The following MAGI3 variants were observed in gnomAD, a reference collection of about 807,000 sequenced individuals.
MAGI3 encodes membrane associated guanylate kinase, WW and PDZ domain containing 3, also known as membrane-associated guanylate kinase, WW and PDZ domain-containing protein 3.
In MAGI3, 43 loss-of-function variants were observed where a neutral mutation model predicts 121.8. The ratio of observed to expected loss-of-function variants is 0.35; its 90% CI spans 0.28 to 0.46. The LOEUF is 0.46. MAGI3 is among the 20% of genes least tolerant of loss of function. The pLI is 1.00. For missense variants in MAGI3, 1,547 were observed against 1,797.3 expected (o/e 0.86, Z 2.52); for synonymous variants, 553 against 639.3 (o/e 0.86, Z 2.04).
At chr1:113,547,846 G>T (rs909436934) in intron 1 of MAGI3, among the ~76,000 whole-genome samples, 10 of 152,164 alleles carry the variant, frequency 6.6e-5, no homozygotes, top group Admixed American at 5.9e-4. Flanking sequence ...AGATTCTTCT[G>T]TGTTCATCCT....
At position 113,619,794 on chromosome 1, in the gene MAGI3, C is replaced by T; in HGVS notation, c.1135C>T (p.Gln379Ter). 1 of 1,613,080 alleles carries T rather than the reference C, an allele frequency of 6.2e-7. No individual in the cohort carries two copies. The highest frequency in any genetic ancestry group is 8.5e-7 in the Non-Finnish European group (1 of 1,179,370). ...NPVEEAKRKK[Q>*]LGQVEIGSSK... Reference sequence around the variant, plus strand: ...AGTGGAGGAAGCCAAAAGGAAAAAGCAGTTAGGACAGGTTGAAATTGGGTC... The same window carrying T: ...AGTGGAGGAAGCCAAAAGGAAAAAGTAGTTAGGACAGGTTGAAATTGGGTC... Residue 379 changes from glutamine (Q) to a stop codon, truncating the protein, a stop_gained, in exon 8 of 21, where the codon CAG (glutamine) becomes TAG (stop). Coordinates refer to ENST00000307546, the MANE Select transcript of MAGI3 (RefSeq NM_001142782.2). LOFTEE classifies it high-confidence loss of function.
intron 20 of MAGI3, chr1:113,682,524 AAACTGT>A (rs1264740862): frequency 1.0e-5 from 13 of 1,275,954 alleles, no homozygotes; most frequent in Non-Finnish European, 1.3e-5. Flanking sequence ...GCCATATCCT[AAACTGT>A]ATCAATTCAT....
chr1:113,623,347 T>C (rs1419290817), intron 9 of MAGI3, among the ~76,000 whole-genome samples: 2 of 151,816 alleles, frequency 1.3e-5, no homozygotes, highest in Non-Finnish European at 2.9e-5. Context: ...TATTGCTGAC[T>C]GTAGTCACCC....
At chr1:113,593,020 A>G (rs1214725648) in intron 5 of MAGI3, among the ~76,000 whole-genome samples, 1 of 152,082 alleles carries the variant, frequency 6.6e-6, no homozygotes, top group Non-Finnish European at 1.5e-5. Context: ...TCAAAAACAA[A>G]CAAACAAACA....
chr1:113,457,959 A>G (rs902894879), intron 1 of MAGI3, among the ~76,000 whole-genome samples: 1 of 152,226 alleles, frequency 6.6e-6, no homozygotes, highest in Admixed American at 6.5e-5. Flanking sequence ...AAGGAGGCCA[A>G]TGTGGCTGAA....
chr1:113,488,274 T>G (rs1656492981), intron 1 of MAGI3, among the ~76,000 whole-genome samples: 1 of 152,234 alleles, frequency 6.6e-6, no homozygotes, highest in Non-Finnish European at 1.5e-5. Flanking sequence ...CAGGAACATC[T>G]GTAGTGGTGC....
At chr1:113,549,694 C>A in intron 2 of MAGI3, 63 bp downstream of exon 2, 3 of 814,150 alleles carry the variant, frequency 3.7e-6, no homozygotes, top group Non-Finnish European at 5.8e-6. Flanking sequence ...AATTAAACAT[C>A]TACAGATAGT....
intron 16 of MAGI3, among the ~76,000 whole-genome samples, chr1:113,669,851 G>A (rs1277861143): frequency 6.6e-6 from 1 of 151,998 alleles, no homozygotes; most frequent in African/African-American, 2.4e-5. Context: ...TTTTACACAA[G>A]GCAGTGGCAT....
chr1:113,472,304 G>A (rs1020329505), intron 1 of MAGI3, among the ~76,000 whole-genome samples: 2 of 151,072 alleles, frequency 1.3e-5, no homozygotes, highest in Admixed American at 6.6e-5. Flanking sequence ...CCGGGTTCAC[G>A]CCATTCTCCC....
chr1:113,517,439 A>G (rs1369828657), intron 1 of MAGI3, among the ~76,000 whole-genome samples: 3 of 152,026 alleles, frequency 2.0e-5, no homozygotes, highest in Admixed American at 6.6e-5. Flanking sequence ...GAAAAAAAGT[A>G]TATTTCATTT....
At chr1:113,635,160 T>C (rs1446843089) in intron 9 of MAGI3, among the ~76,000 whole-genome samples, 1 of 152,246 alleles carries the variant, frequency 6.6e-6, no homozygotes, top group Non-Finnish European at 1.5e-5. Context: ...TATACAATCA[T>C]GTCATCTGCA....
intron 1 of MAGI3, among the ~76,000 whole-genome samples, chr1:113,403,346 T>C (rs900010478): frequency 2.6e-5 from 4 of 152,154 alleles, no homozygotes; most frequent in Non-Finnish European, 5.9e-5. Context: ...GCCATTGCTG[T>C]GACAGCTTCT....
chr1:113,412,009 G>A (rs986266777), intron 1 of MAGI3, among the ~76,000 whole-genome samples: 1 of 150,994 alleles, frequency 6.6e-6, no homozygotes, highest in Non-Finnish European at 1.5e-5. Context: ...TTCTCCTAAT[G>A]CTATCCCTCT....
At chr1:113,437,944 C>A (rs1318309329) in intron 1 of MAGI3, among the ~76,000 whole-genome samples, 1 of 138,224 alleles carries the variant, frequency 7.2e-6, no homozygotes, top group Non-Finnish European at 1.6e-5. Flanking sequence ...TCTCCTTCTC[C>A]TTCTCCTTCT....
chr1:113,559,275 C>A (rs554097458), intron 2 of MAGI3, among the ~76,000 whole-genome samples: 2 of 152,318 alleles, frequency 1.3e-5, no homozygotes, highest in South Asian at 4.1e-4. Context: ...TATAAAGAGT[C>A]AAGATCCATC....
chr1:113,517,441 A>G (rs1008377138), intron 1 of MAGI3, among the ~76,000 whole-genome samples: 6 of 151,978 alleles, frequency 3.9e-5, no homozygotes, highest in Admixed American at 3.9e-4. Context: ...AAAAAAGTAT[A>G]TTTCATTTTT....
intron 6 of MAGI3, among the ~76,000 whole-genome samples, chr1:113,607,680 G>A (rs1207152460): frequency 1.3e-5 from 2 of 151,780 alleles, no homozygotes; most frequent in African/African-American, 4.8e-5. Flanking sequence ...TTAGAAGAGG[G>A]GCAGATGTCA....
At chr1:113,414,123 C>G (rs570210622) in intron 1 of MAGI3, among the ~76,000 whole-genome samples, 1 of 152,256 alleles carries the variant, frequency 6.6e-6, no homozygotes, top group East Asian at 1.9e-4. Context: ...TTTTCTGCAT[C>G]TATTGAGATA....
At chr1:113,431,391 G>T (rs1030609099) in intron 1 of MAGI3, among the ~76,000 whole-genome samples, 1 of 152,050 alleles carries the variant, frequency 6.6e-6, no homozygotes, top group African/African-American at 2.4e-5. Flanking sequence ...GTTGGAAATT[G>T]TAGCCAGTGT....
Sources: allele counts gnomAD v4.1 joint callset (sites outside exome capture counted in the v4.1 genomes callset), GRCh38; gene constraint gnomAD v4.1.1; transcripts MANE v1.5; gene names NCBI Gene and HGNC (gene_info 2026-07-23, HGNC 2026-07-21).